The following FGF14 variants were observed in gnomAD, a reference collection of about 807,000 sequenced individuals.
FGF14 encodes fibroblast growth factor homologous factor 4.
A neutral mutation model predicts 25.5 loss-of-function variants in FGF14; 5 were observed. The observed-to-expected ratio is 0.20, with a 90% CI of 0.10 to 0.41. The LOEUF is 0.41. FGF14 is among the 10% of genes least tolerant of loss of function. The pLI is 1.00. For missense variants in FGF14, 222 were observed against 320.1 expected (o/e 0.69, Z 2.34); for synonymous variants, 138 against 118.3 (o/e 1.17, Z -1.08).
intron 1 of FGF14, among the ~76,000 whole-genome samples, chr13:102,252,062 C>T (rs2052205902): frequency 6.6e-6 from 1 of 152,118 alleles, no homozygotes; most frequent in African/African-American, 2.4e-5. Flanking sequence ...ATCGATGCGG[C>T]TAATCTAATC....
intron 4 of FGF14, 105 bp from the exon 5 acceptor site, chr13:101,723,072 T>G: frequency 7.1e-7 from 1 of 1,399,902 alleles, no homozygotes. Flanking sequence ...CCATTTCTGT[T>G]TTCCCTGAAG....
At chr13:101,850,674 A>G (rs2043798989) in intron 3 of FGF14, among the ~76,000 whole-genome samples, 1 of 142,876 alleles carries the variant, frequency 7.0e-6, no homozygotes, top group African/African-American at 2.5e-5. Flanking sequence ...TATAGAGAAT[A>G]GAATATATAT....
At chr13:101,767,368 T>G (rs983506875) in intron 3 of FGF14, among the ~76,000 whole-genome samples, 2 of 152,134 alleles carry the variant, frequency 1.3e-5, no homozygotes, top group Non-Finnish European at 2.9e-5. Context: ...ATTCTTTTTT[T>G]AAAAGCTCCC....
chr13:101,796,037 T>A (rs2040500530), intron 3 of FGF14, among the ~76,000 whole-genome samples: 1 of 152,106 alleles, frequency 6.6e-6, no homozygotes, highest in South Asian at 2.1e-4. Context: ...ACACTTTATA[T>A]ATGTCCAAAG....
chr13:102,386,423 C>T (rs982926938), intron 1 of FGF14, among the ~76,000 whole-genome samples: 12 of 152,076 alleles, frequency 7.9e-5, no homozygotes, highest in Admixed American at 3.3e-4. Context: ...TCAGCCATCG[C>T]GCCTGGCCCC....
chr13:102,395,373 C>T (rs1034298062), intron 1 of FGF14: 2 of 152,158 alleles, frequency 1.3e-5, no homozygotes, highest in African/African-American at 2.4e-5. Flanking sequence ...GGGGAGAACG[C>T]CATGAGCTTT....
chr13:101,858,612 T>G (rs2044249333), intron 3 of FGF14, among the ~76,000 whole-genome samples: 1 of 152,102 alleles, frequency 6.6e-6, no homozygotes, highest in Non-Finnish European at 1.5e-5. Context: ...CAAATATAGC[T>G]AACCAAAATT....
chr13:101,774,878 C>T (rs1270254841), intron 3 of FGF14, among the ~76,000 whole-genome samples: 1 of 151,172 alleles, frequency 6.6e-6, no homozygotes, highest in Non-Finnish European at 1.5e-5. Context: ...CATGGTGAAA[C>T]CGTGTCTCTA....
intron 1 of FGF14, among the ~76,000 whole-genome samples, chr13:102,274,093 A>T (rs2053387660): frequency 1.3e-5 from 2 of 152,214 alleles, no homozygotes; most frequent in Non-Finnish European, 2.9e-5. Flanking sequence ...TGTAGATATC[A>T]TGTGGAAAAC....
chr13:101,948,504 C>T (rs751396761), intron 1 of FGF14, among the ~76,000 whole-genome samples: 8 of 150,396 alleles, frequency 5.3e-5, no homozygotes, highest in Non-Finnish European at 1.0e-4. Flanking sequence ...AACAAGTATA[C>T]TACATTTTCA....
Position 101,722,141 on chromosome 13 carries a change from T to A in FGF14, c.*690A>T, listed in dbSNP as rs1263493603. The stretch of plus-strand genomic sequence containing the variant: ...CAATGCCGACCTTGGGAGCACAGTA[T>A]CTGCTACTGGACAGAGCGTATATGT... On this transcript the variant is annotated 3_prime_UTR_variant, in exon 5 of 5. Transcript: ENST00000376143. The A allele has an allele frequency of 6.5e-6, 1 of 154,064 alleles. No individual in the cohort carries two copies. The highest frequency in any genetic ancestry group is 6.4e-5 in the Admixed American group (1 of 15,658). 9.5% of individuals were successfully genotyped at this position (154,064 alleles called of 1,614,324 possible). A position where few individuals can be genotyped will look rare whatever the true frequency, so the allele number is the denominator to read the frequency against.
intron 1 of FGF14, among the ~76,000 whole-genome samples, chr13:102,314,446 C>T (rs767831446): frequency 3.3e-5 from 5 of 152,078 alleles, no homozygotes; most frequent in Non-Finnish European, 5.9e-5. Context: ...AGTGTCTTCA[C>T]GGTATATGTT....
intron 1 of FGF14, among the ~76,000 whole-genome samples, chr13:101,971,480 C>G (rs1159003569): frequency 6.6e-6 from 1 of 152,022 alleles, no homozygotes; most frequent in African/African-American, 2.4e-5. Context: ...AAGCAGTCCT[C>G]CCACCTCACC....
At chr13:102,320,563 C>T (rs763896272) in intron 1 of FGF14, among the ~76,000 whole-genome samples, 1 of 152,108 alleles carries the variant, frequency 6.6e-6, no homozygotes, top group African/African-American at 2.4e-5. Context: ...GTTTTGGAGA[C>T]TTATTTTGTC....
chr13:102,031,667 C>CA (rs778110304), intron 1 of FGF14, among the ~76,000 whole-genome samples: 15,244 of 138,128 alleles, frequency 0.11, 1,233 homozygotes, highest in African/African-American at 0.24. Flanking sequence ...CATAAAACAG[C>CA]AAAAAAAAAA....
At chr13:101,787,630 A>G (rs2039921214) in intron 3 of FGF14, among the ~76,000 whole-genome samples, 1 of 152,130 alleles carries the variant, frequency 6.6e-6, no homozygotes, top group Admixed American at 6.6e-5. Context: ...AGAGCATGTC[A>G]GCTGCATTTC....
intron 1 of FGF14, among the ~76,000 whole-genome samples, chr13:101,894,000 C>G (rs2030210517): frequency 6.8e-6 from 1 of 148,048 alleles, no homozygotes; most frequent in Admixed American, 6.8e-5. Context: ...CTAAACACAA[C>G]AGCTCAACCC....
chr13:101,861,556 CA>C (rs5806253), intron 3 of FGF14, among the ~76,000 whole-genome samples: 35,393 of 151,362 alleles, frequency 0.23, 5,283 homozygotes, highest in East Asian at 0.51. Context: ...CTAGTGTCTG[CA>C]AGGCACATAA....
At chr13:101,959,307 T>C (rs73569518) in intron 1 of FGF14, among the ~76,000 whole-genome samples, 10,320 of 152,114 alleles carry the variant, frequency 0.068, 558 homozygotes, top group East Asian at 0.19. Context: ...TCTGCTCTAA[T>C]AGTTTCCTTC....
Sources: gnomAD v4.1 joint callset for allele counts (sites outside exome capture counted in the v4.1 genomes callset) on GRCh38, gnomAD v4.1.1 for gene constraint, MANE v1.5 for transcripts, NCBI Gene and HGNC (gene_info 2026-07-23, HGNC 2026-07-21) for gene names.